Variants in PCDH9 observed in about 807,000 individuals in gnomAD.
The protein encoded by PCDH9 is protocadherin-9.
PCDH9 carries 24 observed loss-of-function variants against 70.6 expected under a neutral mutation model. The ratio of observed to expected loss-of-function variants is 0.34; its 90% CI spans 0.25 to 0.48. PCDH9 has a LOEUF of 0.48. Ranked by LOEUF, PCDH9 falls within the 20% of genes least tolerant of loss-of-function variation. The pLI is 0.99. For synonymous variants in PCDH9, 562 were observed against 558.5 expected, an observed-to-expected ratio of 1.01 and a Z score of -0.09; for missense variants, 1,281 against 1,503.6, an observed-to-expected ratio of 0.85 and a Z score of 2.45.
intron 2 of PCDH9, chr13:67,224,211 A>T (rs952178931): frequency 2.0e-5 from 3 of 152,268 alleles, no homozygotes; most frequent in Admixed American, 6.5e-5. Flanking sequence ...CTCCATATCG[A>T]CAAAGACAGA....
At chr13:67,172,022 A>G (rs943630778) in intron 2 of PCDH9, among the ~76,000 whole-genome samples, 27 of 152,222 alleles carry the variant, frequency 1.8e-4, no homozygotes, top group African/African-American at 6.5e-4. Context: ...ACCACCACTT[A>G]CTAGTTTTAT....
rs749120295 is a variant in PCDH9 at position 66,820,994 on chromosome 13, T to TA, written c.3138+82509dup. On this transcript the variant is annotated intron_variant, in intron 3 of 4. Transcript: ENST00000377865. The stretch of plus-strand genomic sequence containing the variant: ...CTCATGTTCCCCTGAACTTAAAATT[T>TA]AAAAAAAATTTAAAAAGATTCCCTC... Among the ~76,000 whole-genome samples, 68 of 152,128 alleles carry TA rather than the reference T, an allele frequency of 4.5e-4. 1 individual carries two copies. The highest frequency in any genetic ancestry group is 2.1e-3 in the South Asian group (10 of 4,822).
At chr13:67,136,973 A>G (rs924912454) in intron 2 of PCDH9, among the ~76,000 whole-genome samples, 2 of 151,900 alleles carry the variant, frequency 1.3e-5, no homozygotes, top group African/African-American at 4.8e-5. Context: ...TATGAAAATT[A>G]TCTACATTAG....
intron 2 of PCDH9, among the ~76,000 whole-genome samples, chr13:66,912,328 C>G (rs937434860): frequency 1.3e-5 from 2 of 152,094 alleles, no homozygotes; most frequent in African/African-American, 4.8e-5. Context: ...TTCTGAAATA[C>G]TGACAAATAC....
chr13:66,874,714 C>T (rs2081765625), intron 3 of PCDH9, among the ~76,000 whole-genome samples: 1 of 152,020 alleles, frequency 6.6e-6, no homozygotes. Flanking sequence ...TTATTTTGGG[C>T]CTGAAACAGT....
intron 4 of PCDH9, among the ~76,000 whole-genome samples, chr13:66,566,262 G>A (rs950711792): frequency 6.6e-6 from 1 of 152,124 alleles, no homozygotes; most frequent in African/African-American, 2.4e-5. Flanking sequence ...AAGAACTAAT[G>A]TGTTTCACTT....
At chr13:66,885,281 G>A (rs2081988136) in intron 3 of PCDH9, among the ~76,000 whole-genome samples, 1 of 152,094 alleles carries the variant, frequency 6.6e-6, no homozygotes, top group Admixed American at 6.5e-5. Context: ...TTCAAAATGG[G>A]TGGCAATGAA....
intron 2 of PCDH9, among the ~76,000 whole-genome samples, chr13:66,930,939 G>A (rs1049539308): frequency 5.3e-5 from 8 of 152,152 alleles, no homozygotes; most frequent in Non-Finnish European, 4.4e-5. Context: ...CTGTCTACCA[G>A]AAGCCTTTTA....
At chr13:67,108,240 G>A (rs187460196) in intron 2 of PCDH9, among the ~76,000 whole-genome samples, 133 of 152,328 alleles carry the variant, frequency 8.7e-4, no homozygotes, top group African/African-American at 2.9e-3. Context: ...GGCAGAAGGT[G>A]TGGTCTGCCA....
At chr13:67,209,771 T>G (rs1031701635) in intron 2 of PCDH9, 8 of 151,664 alleles carry the variant, frequency 5.3e-5, no homozygotes, top group South Asian at 4.2e-4. Flanking sequence ...ATAACACCGG[T>G]TTTTTTTAAC....
At chr13:66,759,443 A>G (rs534253166) in intron 3 of PCDH9, among the ~76,000 whole-genome samples, 3 of 151,870 alleles carry the variant, frequency 2.0e-5, no homozygotes, top group Non-Finnish European at 4.4e-5. Flanking sequence ...ACATTCAGCC[A>G]CTCTTTGTTT....
chr13:66,543,293 G>T (rs191777764), intron 4 of PCDH9, among the ~76,000 whole-genome samples: 4 of 152,008 alleles, frequency 2.6e-5, no homozygotes, highest in Admixed American at 2.6e-4. Context: ...AATGATGGCC[G>T]GGCACAGTGG....
At chr13:66,933,275 T>C (rs2082846399) in intron 2 of PCDH9, among the ~76,000 whole-genome samples, 1 of 152,130 alleles carries the variant, frequency 6.6e-6, no homozygotes, top group Non-Finnish European at 1.5e-5. Flanking sequence ...ACCTATGACA[T>C]CAGTATATTT....
At chr13:66,761,821 T>TAA (rs35282933) in intron 3 of PCDH9, among the ~76,000 whole-genome samples, 9 of 151,558 alleles carry the variant, frequency 5.9e-5, no homozygotes, top group Admixed American at 2.0e-4. Context: ...TGAGCTTCCT[T>TAA]AAAAAAAATC....
rs143913390 is a variant in PCDH9, at chr13:66,632,595, C to T, written c.3139-1184G>A. On this transcript the variant is annotated intron_variant, in intron 3 of 4. Transcript: ENST00000377865. ...GTCATGTTTACCAAAAAAGTTTTCT[C>T]ATAAAAAATAATACATTTTAATGTT... Among the ~76,000 whole-genome samples, 628 of 152,210 alleles carry T rather than the reference C, an allele frequency of 4.1e-3. 16 individuals are homozygous for T. The East Asian group carries it at 0.079, about 19-fold the overall frequency.
At position 67,226,569 on chromosome 13, in the gene PCDH9, A is replaced by C. The variant is rs1384901410; in HGVS notation, c.1872T>G (p.Ser624=). ...ATGAGACATTTGACTTTATGACTCC[A>C]GAATAGGGATCCAACACAAAATTAT... The part of the protein sequence containing the change: ...DNDNFVLDPY[S]GVIKSNVSFD... Residue 624 remains serine (S), a synonymous_variant, in exon 2 of 5, where the codon TCT becomes TCG. Coordinates refer to ENST00000377865, the MANE Select transcript of PCDH9 (RefSeq NM_203487.3). This position sits in a 1 kb window ranked among gnomAD's most constrained non-coding sequence, Gnocchi z 5.0. 8 of 1,613,738 alleles carry C rather than the reference A, an allele frequency of 5.0e-6. No individual in the cohort carries two copies. The South Asian group carries it at 7.7e-5, about 16-fold the overall frequency.
chr13:66,346,211 T>C (rs1956211340), intron 4 of PCDH9, among the ~76,000 whole-genome samples: 1 of 152,144 alleles, frequency 6.6e-6, no homozygotes, highest in Admixed American at 6.5e-5. Flanking sequence ...TTTCTTGAAG[T>C]AGGAACAAAA....
chr13:66,415,182 T>C (rs949583736), intron 4 of PCDH9, among the ~76,000 whole-genome samples: 6 of 152,318 alleles, frequency 3.9e-5, no homozygotes, highest in South Asian at 2.1e-4. Flanking sequence ...TAATCTTAAA[T>C]ATTAAACCAA....
At chr13:67,128,763 G>A (rs1415726451) in intron 2 of PCDH9, among the ~76,000 whole-genome samples, 1 of 152,166 alleles carries the variant, frequency 6.6e-6, no homozygotes, top group African/African-American at 2.4e-5. Flanking sequence ...TCCTCTAGAA[G>A]ATGTTGAGCT....
Sources: gnomAD v4.1 joint callset for allele counts (sites outside exome capture counted in the v4.1 genomes callset) on GRCh38, gnomAD v4.1.1 for gene constraint, Gnocchi (gnomAD v3.1) non-coding constraint, MANE v1.5 for transcripts, NCBI Gene and HGNC (gene_info 2026-07-23, HGNC 2026-07-21) for gene names.